IL1RAPL1: variants seen among roughly 807,000 people sequenced by gnomAD.
IL1RAPL1 encodes interleukin-1 receptor accessory protein-like 1.
IL1RAPL1 carries 3 observed loss-of-function variants against 48.4 expected under a neutral mutation model. The observed-to-expected ratio is 0.06, with a 90% CI of 0.03 to 0.16. The LOEUF is 0.16. Ranked by LOEUF, IL1RAPL1 falls within the 10% of genes least tolerant of loss-of-function variation. The pLI, the probability that IL1RAPL1 is intolerant of heterozygous loss-of-function variation, is 1.00. For synonymous variants in IL1RAPL1, 185 were observed against 187.7 expected (o/e 0.99, Z 0.12); for missense variants, 349 against 530.6 (o/e 0.66, Z 3.36).
At chrX:29,428,673 C>T (rs1472720508) in intron 5 of IL1RAPL1, among the ~76,000 whole-genome samples, 3 of 111,552 alleles carry the variant, frequency 2.7e-5, no homozygotes, top group Non-Finnish European at 3.8e-5. Flanking sequence ...CAATCCTAGA[C>T]CTGAAGAAAT....
At chrX:28,856,204 A>G (rs1453286309) in intron 2 of IL1RAPL1, among the ~76,000 whole-genome samples, 1 of 112,024 alleles carries the variant, frequency 8.9e-6, no homozygotes, top group Non-Finnish European at 1.9e-5. Context: ...AAATGAACCT[A>G]TGTAGGCAAA....
chrX:29,504,147 GTTC>G (rs1236462364), intron 5 of IL1RAPL1, among the ~76,000 whole-genome samples: 1 of 110,034 alleles, frequency 9.1e-6, no homozygotes, highest in Non-Finnish European at 1.9e-5. Context: ...AGTTTCCAAG[GTTC>G]TTCTTGTTAT....
At chrX:28,706,580 T>G (rs1935376696) in intron 1 of IL1RAPL1, among the ~76,000 whole-genome samples, 1 of 110,825 alleles carries the variant, frequency 9.0e-6, no homozygotes, top group Admixed American at 9.6e-5. Context: ...GCCCAGCTAA[T>G]TTTTTGTATT....
At chrX:29,614,682 T>C (rs1379963917) in intron 5 of IL1RAPL1, among the ~76,000 whole-genome samples, 1 of 112,223 alleles carries the variant, frequency 8.9e-6, no homozygotes, top group Non-Finnish European at 1.9e-5. Flanking sequence ...AAATGCATTA[T>C]TTCCTTTGAA....
chrX:29,171,636 T>G (rs1487951593), intron 2 of IL1RAPL1, among the ~76,000 whole-genome samples: 1 of 112,239 alleles, frequency 8.9e-6, no homozygotes, highest in Non-Finnish European at 1.9e-5. Flanking sequence ...GCTATAGAAT[T>G]ATCAAGAATT....
At chrX:29,243,715 C>G (rs184350611) in intron 2 of IL1RAPL1, among the ~76,000 whole-genome samples, 2 of 111,656 alleles carry the variant, frequency 1.8e-5, no homozygotes, top group Non-Finnish European at 3.8e-5. Flanking sequence ...TTTCTAACAT[C>G]TTTTCTCTCA....
chrX:29,571,640 C>T (rs1338220428), intron 5 of IL1RAPL1, among the ~76,000 whole-genome samples: 1 of 111,612 alleles, frequency 9.0e-6, no homozygotes, highest in East Asian at 2.8e-4. Context: ...ATATAATGTA[C>T]TGAGAAACAT....
At chrX:29,272,508 T>A (rs1602145665) in intron 2 of IL1RAPL1, among the ~76,000 whole-genome samples, 1 of 111,788 alleles carries the variant, frequency 8.9e-6, no homozygotes, top group East Asian at 2.8e-4. Context: ...TGTAGGGTTT[T>A]TGCTGAAAGG....
chrX:28,978,060 A>T lies in IL1RAPL1; in HGVS notation c.82+188635A>T, dbSNP rs767203328. Among the ~76,000 whole-genome samples, 3 of 112,575 alleles carry T rather than the reference A, an allele frequency of 2.7e-5. No individual in the cohort carries two copies. The East Asian group carries it at 8.4e-4, about 32-fold the overall frequency. ...ATGGAGCTGAAACTGTAAGTGGGAA[A>T]TACGGTCAAGAGAGGATGTTTTTAA... On this transcript the variant is annotated intron_variant, in intron 2 of 10. Transcript: ENST00000378993.
intron 1 of IL1RAPL1, among the ~76,000 whole-genome samples, chrX:28,634,375 A>G (rs1000359143): frequency 9.2e-6 from 1 of 109,240 alleles, no homozygotes; most frequent in Admixed American, 1.0e-4. Context: ...ATATACATAT[A>G]CACGTATGTA....
intron 6 of IL1RAPL1, among the ~76,000 whole-genome samples, chrX:29,803,500 C>T (rs144936077): frequency 1.5e-4 from 13 of 86,931 alleles, no homozygotes; most frequent in African/African-American, 4.5e-4. Flanking sequence ...TCTATGTATA[C>T]ATATGTGTAT....
At chrX:29,542,878 T>G (rs1195765987) in intron 5 of IL1RAPL1, among the ~76,000 whole-genome samples, 1 of 111,931 alleles carries the variant, frequency 8.9e-6, no homozygotes, top group Non-Finnish European at 1.9e-5. Flanking sequence ...TCCAGCCTCC[T>G]CTGAATTACT....
intron 2 of IL1RAPL1, among the ~76,000 whole-genome samples, chrX:29,218,624 C>G (rs1418893614): frequency 9.0e-6 from 1 of 111,707 alleles, no homozygotes. Context: ...TATTAAAATA[C>G]TGATGACAAG....
At chrX:28,741,841 A>G (rs1301708682) in intron 1 of IL1RAPL1, among the ~76,000 whole-genome samples, 2 of 112,056 alleles carry the variant, frequency 1.8e-5, no homozygotes, top group African/African-American at 3.2e-5. Flanking sequence ...TTAACAAACT[A>G]TTTTGCTCCA....
chrX:29,560,557 T>C lies in IL1RAPL1; in HGVS notation c.704-107873T>C, dbSNP rs766551354. ...TAAATTCTGTAGGCCTTCTGTACTA[T>C]TTTTTATTTCTATGTTTGTTTCTCC... On this transcript the variant is annotated intron_variant, in intron 5 of 10. Transcript: ENST00000378993. Among the ~76,000 whole-genome samples the C allele has an allele frequency of 2.7e-5, 3 of 111,933 alleles. No homozygotes were observed. In the East Asian group the frequency reaches 8.4e-4, roughly 31 times the overall value.
chrX:29,906,124 C>T (rs1429373564), intron 6 of IL1RAPL1, among the ~76,000 whole-genome samples: 2 of 108,677 alleles, frequency 1.8e-5, no homozygotes, highest in African/African-American at 6.7e-5. Flanking sequence ...ATCACGAGGT[C>T]AGGAGATCGA....
chrX:29,614,975 A>T (rs750384471), intron 5 of IL1RAPL1, among the ~76,000 whole-genome samples: 1 of 111,591 alleles, frequency 9.0e-6, no homozygotes, highest in East Asian at 2.8e-4. Context: ...AAAAAAAAAA[A>T]AAAATCTTTA....
intron 5 of IL1RAPL1, among the ~76,000 whole-genome samples, chrX:29,567,377 A>C (rs1158446041): frequency 8.9e-6 from 1 of 112,086 alleles, no homozygotes; most frequent in Admixed American, 9.4e-5. Context: ...TGACTAACTA[A>C]GACAACTTCT....
At chrX:28,696,407 T>C (rs980469177) in intron 1 of IL1RAPL1, among the ~76,000 whole-genome samples, 4 of 111,798 alleles carry the variant, frequency 3.6e-5, no homozygotes, top group Middle Eastern at 4.6e-3. Flanking sequence ...TAATGAGTCA[T>C]AGATAAGTTG....
Sources: gnomAD v4.1 joint callset for allele counts (sites outside exome capture counted in the v4.1 genomes callset) on GRCh38, gnomAD v4.1.1 for gene constraint, MANE v1.5 for transcripts, NCBI Gene and HGNC (gene_info 2026-07-23, HGNC 2026-07-21) for gene names.